The following ANK3 variants were observed in gnomAD, a reference collection of about 807,000 sequenced individuals.
ANK3 encodes the protein ankyrin-3.
In ANK3, 57 loss-of-function variants were observed where a neutral mutation model predicts 370.9. The observed-to-expected ratio is 0.15, with a 90% CI of 0.12 to 0.19. ANK3 has a LOEUF of 0.19. ANK3 is among the 10% of genes least tolerant of loss of function. The pLI, the probability that ANK3 is intolerant of heterozygous loss-of-function variation, is 1.00. For synonymous variants in ANK3, 1,929 were observed against 1,946.3 expected (o/e 0.99, Z 0.23); for missense variants, 4,439 against 5,302.1 (o/e 0.84, Z 5.06).
At chr10:60,732,706 C>T (rs2080041040) in intron 1 of ANK3, among the ~76,000 whole-genome samples, 1 of 151,922 alleles carries the variant, frequency 6.6e-6, no homozygotes, top group Non-Finnish European at 1.5e-5. Context: ...AAACAAACAA[C>T]AACAAAAAAA....
At chr10:60,509,421 G>A (rs973563235) in intron 2 of ANK3, among the ~76,000 whole-genome samples, 8 of 152,008 alleles carry the variant, frequency 5.3e-5, no homozygotes, top group Non-Finnish European at 1.0e-4. Context: ...AAACAAGGAA[G>A]AAAAAGAAGA....
Position 60,673,509 on chromosome 10 carries a change from C to A in ANK3, c.58-58285G>T, listed in dbSNP as rs577128291. Among the ~76,000 whole-genome samples, 22 of 152,228 alleles carry A rather than the reference C, an allele frequency of 1.4e-4. No homozygotes were observed. The South Asian group carries it at 4.6e-3, about 32-fold the overall frequency. On this transcript the variant is annotated intron_variant, in intron 1 of 43. Transcript: ENST00000373827. ...GGGATTACAGGTGCCTGCCACCACA[C>A]CTAGCTAATTTTTTGTATTTTTAGT...
At chr10:60,554,663 G>A (rs377470973) in intron 2 of ANK3, among the ~76,000 whole-genome samples, 1 of 152,046 alleles carries the variant, frequency 6.6e-6, no homozygotes, top group African/African-American at 2.4e-5. Flanking sequence ...ATGTGTCAAG[G>A]TGCATTCCAA....
chr10:60,591,307 A>AT (rs1458330211), intron 2 of ANK3, among the ~76,000 whole-genome samples: 2 of 36,702 alleles, frequency 5.4e-5, no homozygotes, highest in South Asian at 1.0e-3. Context: ...TTTTTATTTT[A>AT]TTTATTTATT....
In ANK3 at chr10:60,351,237, G is replaced by C. The variant is rs755413324; in HGVS notation, c.114+38188C>G. ...GGACCACAAGCATTTAAATAGAGAA[G>C]ATCTATTTAGAGATTCAGACTGGGA... On this transcript the variant is annotated intron_variant, in intron 1 of 43. Coordinates refer to ENST00000280772, the MANE Select transcript of ANK3 (RefSeq NM_020987.5). 1.3e-3 allele frequency among the ~76,000 whole-genome samples: 199 copies of C among 152,134 alleles called. 1 individual carries two copies. Among genetic ancestry groups the C allele is most frequent in the Non-Finnish European group, 1.9e-3 (130 of 68,030 alleles).
chr10:60,137,260 T>C, intron 24 of ANK3: 1 of 294,204 alleles, frequency 3.4e-6, no homozygotes, highest in South Asian at 3.3e-5. Flanking sequence ...GCACATCACA[T>C]TACAATGCTA....
chr10:60,585,954 G>A (rs1444238232), intron 2 of ANK3, among the ~76,000 whole-genome samples: 2 of 152,110 alleles, frequency 1.3e-5, no homozygotes, highest in Non-Finnish European at 2.9e-5. Flanking sequence ...AACCCCAGAG[G>A]CAGAGGTTGC....
intron 2 of ANK3, among the ~76,000 whole-genome samples, chr10:60,604,023 A>T (rs1181917709): frequency 6.6e-6 from 1 of 152,214 alleles, no homozygotes; most frequent in Non-Finnish European, 1.5e-5. Flanking sequence ...GTAAAGGTTA[A>T]GAGGGATTTA....
chr10:60,191,975 C>T (rs2096490547), intron 16 of ANK3, among the ~76,000 whole-genome samples: 2 of 152,232 alleles, frequency 1.3e-5, no homozygotes, highest in South Asian at 4.2e-4. Context: ...GTGGCGCGGT[C>T]TTGGCTCACT....
At position 60,134,326 on chromosome 10, in the gene ANK3, G is replaced by A; in HGVS notation, c.2786C>T (p.Ser929Phe). ...AATCATCATGCTGTCCCGTGCATAG[G>A]AGCTTCTGTTCAAGGTGTAAGACCT... ...SDRSYTLNRS[S>F]YARDSMMIEE... The change falls in exon 25 of 44, where the codon TCC becomes TTC. Residue 929 changes from serine to phenylalanine, a missense_variant. Physicochemically the swap from Ser to Phe is radical, Grantham distance 155 (BLOSUM62 -2). Around this residue, in one of 13 missense-constraint regions of ANK3, gnomAD observed 702 missense variants for 941.5 expected, o/e 0.75. Coordinates refer to ENST00000280772, the MANE Select transcript of ANK3 (RefSeq NM_020987.5). 2 of 1,613,934 alleles carry A rather than the reference G, an allele frequency of 1.2e-6. No homozygotes were observed. The highest frequency in any genetic ancestry group is 1.1e-5 in the South Asian group (1 of 91,074).
intron 1 of ANK3, chr10:60,685,171 C>T (rs1365669330): frequency 3.9e-6 from 2 of 512,242 alleles, no homozygotes; most frequent in Non-Finnish European, 7.0e-6. Flanking sequence ...TGCCTGTCTG[C>T]CCTCCTGGAT....
At chr10:60,525,460 T>C (rs1286237418) in intron 2 of ANK3, among the ~76,000 whole-genome samples, 1 of 152,102 alleles carries the variant, frequency 6.6e-6, no homozygotes, top group African/African-American at 2.4e-5. Flanking sequence ...TTAGTTCCTT[T>C]TGAAAGAAAG....
intron 42 of ANK3, chr10:60,051,388 C>T (rs780425597): frequency 8.6e-5 from 52 of 606,812 alleles, no homozygotes; most frequent in Non-Finnish European, 1.1e-4. Context: ...TGAAATTTCA[C>T]AACCACAAGG....
chr10:60,148,050 C>T (rs563838600), intron 23 of ANK3, among the ~76,000 whole-genome samples: 1 of 152,246 alleles, frequency 6.6e-6, no homozygotes, highest in East Asian at 1.9e-4. Context: ...ATGCATGTGC[C>T]TCCTGTGGGA....
At chr10:60,134,747 A>G (rs568431670) in intron 24 of ANK3, among the ~76,000 whole-genome samples, 92 of 152,324 alleles carry the variant, frequency 6.0e-4, no homozygotes, top group Non-Finnish European at 1.2e-3. Context: ...GTCTATGTCT[A>G]CTTGACATGC....
intron 2 of ANK3, among the ~76,000 whole-genome samples, chr10:60,451,507 G>T (rs1284079105): frequency 6.6e-6 from 1 of 152,116 alleles, no homozygotes; most frequent in Non-Finnish European, 1.5e-5. Context: ...AGAACACATG[G>T]GGATCCAGGA....
intron 5 of ANK3, among the ~76,000 whole-genome samples, chr10:60,269,654 C>G (rs886311811): frequency 1.4e-5 from 2 of 145,630 alleles, no homozygotes; most frequent in Admixed American, 6.8e-5. Flanking sequence ...CCCCTCCCCC[C>G]CCCCAAAAAA....
At chr10:60,277,880 G>A (rs2098113535) in intron 4 of ANK3, among the ~76,000 whole-genome samples, 1 of 152,188 alleles carries the variant, frequency 6.6e-6, no homozygotes, top group Non-Finnish European at 1.5e-5. Context: ...ATGTTTGAGT[G>A]GGAACCAGTT....
chr10:60,723,424 G>A (rs2079893369), intron 1 of ANK3, among the ~76,000 whole-genome samples: 1 of 151,494 alleles, frequency 6.6e-6, no homozygotes, highest in Admixed American at 6.6e-5. Flanking sequence ...TAGTGTAGAT[G>A]AGACTCTTAC....
Sources: allele counts gnomAD v4.1 joint callset (sites outside exome capture counted in the v4.1 genomes callset), GRCh38; gene constraint gnomAD v4.1.1; regional missense constraint gnomAD v4.1.1; transcripts MANE v1.5; gene names NCBI Gene and HGNC (gene_info 2026-07-23, HGNC 2026-07-21).